The following DUS2 variants were observed in gnomAD, a reference collection of about 807,000 sequenced individuals.
The protein encoded by DUS2 is dihydrouridine synthase 2.
DUS2 carries 52 observed loss-of-function variants against 71.3 expected under a neutral mutation model. The ratio of observed to expected loss-of-function variants is 0.73; its 90% CI spans 0.58 to 0.92. The LOEUF (loss-of-function observed/expected upper bound fraction) is 0.92. DUS2 is among the 40% of genes least tolerant of loss of function. DUS2 has a pLI of 0.00. For missense variants in DUS2, 558 were observed against 622.6 expected, an observed-to-expected ratio of 0.90 and a Z score of 1.10; for synonymous variants, 204 against 227.8, an observed-to-expected ratio of 0.90 and a Z score of 0.94.
In DUS2 at chr16:68,054,610, A is replaced by AG; in HGVS notation, c.303dup (p.Leu102AlafsTer5). 6.2e-7 allele frequency: 1 copy of AG among 1,614,150 alleles called. No individual in the cohort carries two copies. Among genetic ancestry groups the AG allele is most frequent in the Non-Finnish European group, 8.5e-7 (1 of 1,180,032 alleles). On this transcript the variant is annotated frameshift_variant, in exon 6 of 17. Transcript: ENST00000565263. LOFTEE classifies it high-confidence loss of function. ...CGCAGAGCGAGCCCTTGCTGTGGCC[A>AG]GGCTTGTGTAAGTTCATCCTCTGTC... is the stretch of plus-strand genomic sequence containing the variant.
chr16:68,050,287 G>A (rs919360715), intron 4 of DUS2, among the ~76,000 whole-genome samples: 2 of 151,910 alleles, frequency 1.3e-5, no homozygotes, highest in African/African-American at 4.8e-5. Flanking sequence ...ACAGGTGCCC[G>A]CCACCACACC....
chr16:68,043,533 CTGATTAGTGA>C (rs2033661084), intron 3 of DUS2, among the ~76,000 whole-genome samples: 3 of 152,090 alleles, frequency 2.0e-5, no homozygotes, highest in South Asian at 2.1e-4. Flanking sequence ...GTTTATTTCT[CTGATTAGTGA>C]TGATTAGTGA....
chr16:68,078,415 G>A (rs761380825), intron 15 of DUS2, 30 bp from the exon 16 acceptor site: 16 of 1,607,744 alleles, frequency 1.0e-5, no homozygotes, highest in Non-Finnish European at 1.4e-5. Context: ...CATTTCTCTG[G>A]CCATGTGATT....
intron 3 of DUS2, among the ~76,000 whole-genome samples, chr16:68,040,673 A>G (rs1240524036): frequency 6.6e-6 from 1 of 152,224 alleles, no homozygotes; most frequent in African/African-American, 2.4e-5. Context: ...TATGGAGAGC[A>G]GACAGGCAGG....
intron 4 of DUS2, among the ~76,000 whole-genome samples, chr16:68,049,819 A>G (rs1179074374): frequency 6.6e-6 from 1 of 152,190 alleles, no homozygotes; most frequent in Non-Finnish European, 1.5e-5. Context: ...GGAGCCTTGG[A>G]GTCAGGATGG....
intron 4 of DUS2, 109 bp from the exon 5 acceptor site, chr16:68,053,455 C>A: frequency 1.0e-6 from 1 of 982,662 alleles, no homozygotes; most frequent in Non-Finnish European, 1.6e-6. Flanking sequence ...CATTTAGGAT[C>A]TCTTTCCCCT....
At chr16:68,041,702 C>T (rs1240722043) in intron 3 of DUS2, among the ~76,000 whole-genome samples, 1 of 151,234 alleles carries the variant, frequency 6.6e-6, no homozygotes, top group African/African-American at 2.4e-5. Flanking sequence ...ATCCCAGCTA[C>T]TTGGGAGGTT....
At chr16:68,035,908 A>ATATATG (rs1405737620) in intron 2 of DUS2, among the ~76,000 whole-genome samples, 1 of 54,918 alleles carries the variant, frequency 1.8e-5, no homozygotes, top group African/African-American at 4.5e-5. Context: ...ATATATATAT[A>ATATATG]TATATATATA....
intron 4 of DUS2, among the ~76,000 whole-genome samples, chr16:68,052,085 G>T (rs554153809): frequency 6.6e-6 from 1 of 151,182 alleles, no homozygotes; most frequent in Non-Finnish European, 1.5e-5. Context: ...TTGTATTTTA[G>T]TAGAGACTTG....
intron 8 of DUS2, among the ~76,000 whole-genome samples, chr16:68,065,731 A>G (rs1380447351): frequency 2.0e-5 from 3 of 152,012 alleles, no homozygotes; most frequent in African/African-American, 7.2e-5. Context: ...TTCCCACCTC[A>G]GCCTCTCAAA....
At chr16:68,073,173 A>G (rs73604381) in intron 12 of DUS2, among the ~76,000 whole-genome samples, 2,002 of 152,302 alleles carry the variant, frequency 0.013, 43 homozygotes, top group African/African-American at 0.045. Flanking sequence ...GTCCAGGAGA[A>G]TGTGTTTCTG....
Position 68,056,417 on chromosome 16 carries a change from C to G in DUS2, c.362C>G (p.Ser121Cys). Residue 121 changes from serine (S) to cysteine (C), a missense_variant, in exon 7 of 17, where the codon TCC becomes TGC. Coordinates refer to ENST00000565263, the MANE Select transcript of DUS2 (RefSeq NM_017803.5). ...AACATGGGCTGTCCAAAACAATATT[C>G]CACCAAGGTAAACTGGTTTCTTTAT... ...DVNMGCPKQYSTKGGMGAALL... is the reference protein window; with the variant it reads ...DVNMGCPKQYCTKGGMGAALL... 6.2e-7 allele frequency: 1 copy of G among 1,613,038 alleles called. No homozygotes were observed. Among genetic ancestry groups the G allele is most frequent in the East Asian group, 2.2e-5 (1 of 44,854 alleles).
chr16:68,044,163 A>G (rs2033669502), intron 3 of DUS2, among the ~76,000 whole-genome samples: 1 of 152,126 alleles, frequency 6.6e-6, no homozygotes, highest in African/African-American at 2.4e-5. Context: ...ATTGGGAAGT[A>G]TAAATTCTCC....
Position 68,078,869 on chromosome 16 carries a change from T to A in DUS2, c.1365T>A (p.Ala455=). The change falls in exon 17 of 17, where the codon GCT becomes GCA. Residue 455 remains alanine, a synonymous_variant. Coordinates refer to ENST00000565263, the MANE Select transcript of DUS2 (RefSeq NM_017803.5). ...SPSLHKRKRE[A]PDQDPGGPRA... Reference sequence around the variant, plus strand: ...CCTTGCACAAGCGAAAGAGGGAGGCTCCTGACCAAGACCCTGGGGGCCCCA... The same window carrying A: ...CCTTGCACAAGCGAAAGAGGGAGGCACCTGACCAAGACCCTGGGGGCCCCA... 2 of 1,613,864 alleles carry A rather than the reference T, an allele frequency of 1.2e-6. No individual in the cohort carries two copies. Among genetic ancestry groups the A allele is most frequent in the Non-Finnish European group, 1.7e-6 (2 of 1,179,822 alleles).
At chr16:68,076,913 CTT>C (rs113367225) in intron 15 of DUS2, among the ~76,000 whole-genome samples, 194 bp downstream of exon 15, 19 of 142,056 alleles carry the variant, frequency 1.3e-4, no homozygotes, top group Admixed American at 1.4e-4. Flanking sequence ...AGACATCTCT[CTT>C]TTTTTTTTTT....
At chr16:68,065,563 A>G (rs544367662) in intron 8 of DUS2, among the ~76,000 whole-genome samples, 134 of 152,188 alleles carry the variant, frequency 8.8e-4, no homozygotes, top group African/African-American at 3.2e-3. Context: ...CTAGGGAGGC[A>G]GAGGTTACAG....
At chr16:68,067,081 C>CTCCCTCCTTCCT (rs1421214453) in intron 10 of DUS2, among the ~76,000 whole-genome samples, 2 of 92,746 alleles carry the variant, frequency 2.2e-5, no homozygotes, top group Non-Finnish European at 4.2e-5. Context: ...CCTTCCCTCC[C>CTCCCTCCTTCCT]TCCCTCCTTC....
intron 8 of DUS2, among the ~76,000 whole-genome samples, chr16:68,063,456 T>C (rs2033967247): frequency 6.6e-6 from 1 of 152,176 alleles, no homozygotes; most frequent in African/African-American, 2.4e-5. Context: ...ACTTTGGAAA[T>C]ACATAACATT....
chr16:68,075,505 G>T lies in DUS2; in HGVS notation c.1082+1G>T. ...TTAAGATGGCTGTCAAGTTTGACCG[G>T]TAGGTCTCCAGCTTGGCCTCAGCTT... On this transcript the variant is annotated splice_donor_variant, in intron 14 of 16. Transcript: ENST00000565263. LOFTEE classifies it high-confidence loss of function. The T allele has an allele frequency of 6.2e-7, 1 of 1,610,484 alleles. No individual in the cohort carries two copies. Among genetic ancestry groups the T allele is most frequent in the Non-Finnish European group, 8.5e-7 (1 of 1,178,068 alleles).
Sources: gnomAD v4.1 joint callset for allele counts (sites outside exome capture counted in the v4.1 genomes callset) on GRCh38, gnomAD v4.1.1 for gene constraint, MANE v1.5 for transcripts, NCBI Gene and HGNC (gene_info 2026-07-23, HGNC 2026-07-21) for gene names.